The following FARS2 variants were observed in gnomAD, a reference collection of about 807,000 sequenced individuals.
The protein encoded by FARS2 is phenylalanine--tRNA ligase, mitochondrial.
Under a neutral mutation model 46.4 loss-of-function variants are expected in FARS2, and 40 were observed. The ratio of observed to expected loss-of-function variants is 0.86; its 90% CI spans 0.67 to 1.12. The LOEUF is 1.12. FARS2 is among the 50% of genes most tolerant of loss of function. FARS2 has a pLI of 0.00. For synonymous variants in FARS2, 234 were observed against 214.9 expected (o/e 1.09, Z -0.78); for missense variants, 513 against 567.9 (o/e 0.90, Z 0.98).
chr6:5,263,384 G>A (rs1765330129), intron 1 of FARS2, among the ~76,000 whole-genome samples: 1 of 152,176 alleles, frequency 6.6e-6, no homozygotes, highest in South Asian at 2.1e-4. Context: ...TCTGAGCCAA[G>A]TCTTCATAAA....
At chr6:5,587,524 A>G (rs1305723147) in intron 5 of FARS2, among the ~76,000 whole-genome samples, 4 of 152,242 alleles carry the variant, frequency 2.6e-5, no homozygotes. Context: ...TTTAGAAGCC[A>G]TCTTTCCACC....
At chr6:5,258,593 C>A (rs1302571996), upstream of FARS2, among the ~76,000 whole-genome samples, 1 of 152,082 alleles carries the variant, frequency 6.6e-6, no homozygotes, top group Non-Finnish European at 1.5e-5. Context: ...CAAGACACAG[C>A]CTTAATGTAA....
At chr6:5,498,121 T>C (rs1200958202) in intron 4 of FARS2, among the ~76,000 whole-genome samples, 1 of 152,192 alleles carries the variant, frequency 6.6e-6, no homozygotes, top group Non-Finnish European at 1.5e-5. Context: ...GGCGATTTGA[T>C]GTTACTTGTG....
At chr6:5,404,822 C>T (rs182001065) in intron 3 of FARS2, 121 bp downstream of exon 3, 32 of 685,018 alleles carry the variant, frequency 4.7e-5, no homozygotes, top group South Asian at 2.1e-4. Context: ...TTCCCCGAGA[C>T]GGAGTCTTGC....
At chr6:5,707,811 C>T (rs905084188) in intron 6 of FARS2, among the ~76,000 whole-genome samples, 1 of 152,182 alleles carries the variant, frequency 6.6e-6, no homozygotes, top group African/African-American at 2.4e-5. Context: ...TGGGTAGCCT[C>T]GGGGCCCCAG....
chr6:5,368,134 T>G (rs1188463463), intron 1 of FARS2, among the ~76,000 whole-genome samples: 1 of 152,170 alleles, frequency 6.6e-6, no homozygotes, highest in Non-Finnish European at 1.5e-5. Flanking sequence ...TTTGCTTCCT[T>G]TATTAGTGGG....
rs201083496 is a variant in FARS2 at position 5,272,990 on chromosome 6, TC to T, written c.-22+11331del. On this transcript the variant is annotated intron_variant, in intron 1 of 6. Transcript: ENST00000274680. ...GTTGCTGCAAATGGCAGAACTTCAT[TC>T]TTTTCTATAGCTGAATAATGCTCTG... is the stretch of plus-strand genomic sequence containing the variant. Among the ~76,000 whole-genome samples the T allele has an allele frequency of 9.0e-3, 1,372 of 152,356 alleles. 22 individuals carry two copies. The highest frequency in any genetic ancestry group is 0.031 in the African/African-American group (1,304 of 41,590).
At chr6:5,260,598 T>TCCCCCGC, upstream of FARS2, 1 of 1,105,570 alleles carries the variant, frequency 9.0e-7, no homozygotes, top group South Asian at 1.3e-5. Context: ...GCACCCCCGG[T>TCCCCCGC]CCCCGGCCCC....
At chr6:5,484,350 T>A (rs543483676) in intron 4 of FARS2, among the ~76,000 whole-genome samples, 3 of 152,294 alleles carry the variant, frequency 2.0e-5, no homozygotes, top group Admixed American at 2.0e-4. Flanking sequence ...TTGCGTCTAA[T>A]CAGAATCGTG....
At chr6:5,766,295 C>T (rs1313505902) in intron 6 of FARS2, among the ~76,000 whole-genome samples, 1 of 152,262 alleles carries the variant, frequency 6.6e-6, no homozygotes, top group Admixed American at 6.5e-5. Context: ...CCCCGGCCCC[C>T]ATGCTCTTAC....
At chr6:5,623,545 C>A (rs1213401333) in intron 6 of FARS2, among the ~76,000 whole-genome samples, 2 of 152,070 alleles carry the variant, frequency 1.3e-5, no homozygotes, top group Non-Finnish European at 2.9e-5. Context: ...AACCCCGTCT[C>A]TACTAAAAAT....
intron 1 of FARS2, chr6:5,291,449 C>T (rs1767498773): frequency 6.6e-6 from 1 of 152,084 alleles, no homozygotes; most frequent in African/African-American, 2.4e-5. Flanking sequence ...GATGGTGATC[C>T]CAACTTCCTA....
At chr6:5,530,897 A>G (rs908896273) in intron 4 of FARS2, among the ~76,000 whole-genome samples, 1 of 147,434 alleles carries the variant, frequency 6.8e-6, no homozygotes, top group African/African-American at 2.5e-5. Flanking sequence ...GTTACAATCT[A>G]TGTATAACTA....
At chr6:5,518,198 A>G (rs1768927624) in intron 4 of FARS2, among the ~76,000 whole-genome samples, 1 of 152,212 alleles carries the variant, frequency 6.6e-6, no homozygotes, top group African/African-American at 2.4e-5. Flanking sequence ...GAGGGGTTGC[A>G]TAAGGGCAGT....
intron 6 of FARS2, among the ~76,000 whole-genome samples, chr6:5,739,519 G>A (rs1425053803): frequency 6.6e-6 from 1 of 152,172 alleles, no homozygotes; most frequent in Non-Finnish European, 1.5e-5. Flanking sequence ...AATGGCTTAG[G>A]AGAAGGAATT....
intron 1 of FARS2, among the ~76,000 whole-genome samples, chr6:5,326,633 AG>A (rs1335259949): frequency 6.6e-6 from 1 of 152,212 alleles, no homozygotes; most frequent in African/African-American, 2.4e-5. Flanking sequence ...CAGGAGCAGC[AG>A]CCTTCTCCTT....
chr6:5,676,590 A>T (rs772143407), intron 6 of FARS2, among the ~76,000 whole-genome samples: 1 of 152,244 alleles, frequency 6.6e-6, no homozygotes, highest in Admixed American at 6.5e-5. Context: ...CCTTATAATC[A>T]TATATTCAAT....
chr6:5,546,953 T>TTTTA (rs1027065978), intron 5 of FARS2, among the ~76,000 whole-genome samples: 1 of 151,804 alleles, frequency 6.6e-6, no homozygotes, highest in South Asian at 2.1e-4. Context: ...TTTTATTTTA[T>TTTTA]TTTATTTATT....
chr6:5,251,549 C>T, the FARS2 span, among the ~76,000 whole-genome samples: 1 of 152,112 alleles, frequency 6.6e-6, no homozygotes, highest in African/African-American at 2.4e-5. Flanking sequence ...GGAGATGCCA[C>T]ATACTTTAAA....
Sources: gnomAD v4.1 joint callset for allele counts (sites outside exome capture counted in the v4.1 genomes callset) on GRCh38, gnomAD v4.1.1 for gene constraint, MANE v1.5 for transcripts, NCBI Gene and HGNC (gene_info 2026-07-23, HGNC 2026-07-21) for gene names.